Variants in MDFIC2 observed in about 807,000 individuals in gnomAD.
MDFIC2 encodes MyoD family inhibitor domain containing 2, also known as myoD family inhibitor domain-containing protein 2.
chr3:70,235,027 G>GC (rs2106747751), intron 2 of MDFIC2, among the ~76,000 whole-genome samples: 1 of 152,236 alleles, frequency 6.6e-6, no homozygotes, highest in South Asian at 2.1e-4. Flanking sequence ...GAGAACCTCT[G>GC]CCCCAAAGAG....
intron 2 of MDFIC2, among the ~76,000 whole-genome samples, chr3:70,237,299 G>A (rs998598488): frequency 3.3e-5 from 5 of 152,254 alleles, no homozygotes; most frequent in South Asian, 4.1e-4. Context: ...CCACAATATA[G>A]ACAGACCTCT....
intron 2 of MDFIC2, among the ~76,000 whole-genome samples, chr3:70,296,402 C>G (rs111704100): frequency 1.3e-5 from 2 of 152,082 alleles, no homozygotes; most frequent in Admixed American, 1.3e-4. Context: ...AGAAAATGGA[C>G]CTAATTTTAG....
At chr3:70,216,259 T>A (rs1239723978) in intron 2 of MDFIC2, among the ~76,000 whole-genome samples, 1 of 150,284 alleles carries the variant, frequency 6.7e-6, no homozygotes, top group Non-Finnish European at 1.5e-5. Context: ...CATAATTAGA[T>A]TAATAACAAA....
At chr3:70,264,768 T>C (rs971886324) in intron 2 of MDFIC2, among the ~76,000 whole-genome samples, 1 of 152,188 alleles carries the variant, frequency 6.6e-6, no homozygotes, top group African/African-American at 2.4e-5. Context: ...ATGAATCTCA[T>C]GATAGGGAAA....
intron 2 of MDFIC2, among the ~76,000 whole-genome samples, chr3:70,300,894 A>G (rs1702342056): frequency 6.6e-6 from 1 of 151,980 alleles, no homozygotes; most frequent in East Asian, 1.9e-4. Flanking sequence ...TATGTCTCCA[A>G]GTTATGTTGC....
At chr3:70,248,616 G>A (rs1575606230) in intron 2 of MDFIC2, among the ~76,000 whole-genome samples, 1 of 152,082 alleles carries the variant, frequency 6.6e-6, no homozygotes, top group African/African-American at 2.4e-5. Flanking sequence ...TGGATTAGAA[G>A]AGCAATATTT....
chr3:70,251,066 C>A (rs556765054), intron 2 of MDFIC2, among the ~76,000 whole-genome samples: 1 of 152,300 alleles, frequency 6.6e-6, no homozygotes, highest in East Asian at 1.9e-4. Flanking sequence ...ACGGTTGAAT[C>A]GTATTCATTA....
intron 2 of MDFIC2, among the ~76,000 whole-genome samples, chr3:70,254,233 G>T (rs555692547): frequency 1.8e-3 from 273 of 152,124 alleles, no homozygotes; most frequent in South Asian, 3.9e-3. Flanking sequence ...GTCTGCATTT[G>T]AATTCTGTTA....
chr3:70,310,479 C>T (rs1272654462), intron 2 of MDFIC2, among the ~76,000 whole-genome samples: 2 of 152,048 alleles, frequency 1.3e-5, no homozygotes, highest in Non-Finnish European at 2.9e-5. Flanking sequence ...GATTATCCTG[C>T]CTCAGCCTCC....
chr3:70,302,212 G>A (rs1702355862), intron 2 of MDFIC2, among the ~76,000 whole-genome samples: 1 of 152,122 alleles, frequency 6.6e-6, no homozygotes, highest in African/African-American at 2.4e-5. Flanking sequence ...ATTTATGCCT[G>A]TAGAGTGATG....
At chr3:70,286,966 A>G (rs1254104929) in intron 2 of MDFIC2, among the ~76,000 whole-genome samples, 5 of 150,932 alleles carry the variant, frequency 3.3e-5, no homozygotes, top group East Asian at 1.9e-4. Context: ...GGCTGAGACA[A>G]TGGCGTTTTC....
At chr3:70,305,655 A>G (rs546273708) in intron 2 of MDFIC2, among the ~76,000 whole-genome samples, 2 of 152,330 alleles carry the variant, frequency 1.3e-5, no homozygotes, top group South Asian at 4.1e-4. Context: ...ATGGTTGCTG[A>G]GTTGAACAAA....
Position 70,266,599 on chromosome 3 carries a change from T to A in MDFIC2, c.88+45287A>T, listed in dbSNP as rs1037552032. The stretch of plus-strand genomic sequence containing the variant: ...ACCACCACACAAGGGTGAATTTTTT[T>A]ATTTTTAATTTTTTTATTTTTATTT... On this transcript the variant is annotated intron_variant, in intron 2 of 3. Transcript: ENST00000567252. Among the ~76,000 whole-genome samples the A allele has an allele frequency of 5.3e-5, 8 of 151,936 alleles. No individual in the cohort carries two copies. In the East Asian group the frequency reaches 1.4e-3, roughly 26 times the overall value.
Position 70,196,805 on chromosome 3 carries a change from G to A in MDFIC2, c.*121C>T, listed in dbSNP as rs1576151146. 5.0e-6 allele frequency: 2 copies of A among 396,868 alleles called. No homozygotes were observed. Among genetic ancestry groups the A allele is most frequent in the Admixed American group, 4.4e-5 (1 of 22,682 alleles). 24.6% of individuals were successfully genotyped at this position (396,868 alleles called of 1,614,324 possible). The stretch of plus-strand genomic sequence containing the variant: ...TCCTAGACAGGTGCAGAATAAAATG[G>A]CCTATAGCATCCAAGAAATGTGTAC... On this transcript the variant is annotated 3_prime_UTR_variant, in exon 4 of 4. Transcript: ENST00000567252.
chr3:70,241,089 A>G (rs1701663840), intron 2 of MDFIC2, among the ~76,000 whole-genome samples: 2 of 152,088 alleles, frequency 1.3e-5, no homozygotes, highest in African/African-American at 4.8e-5. Context: ...GGTGACACTG[A>G]CTTCTGTGAC....
At chr3:70,296,234 A>G (rs1702288016) in intron 2 of MDFIC2, among the ~76,000 whole-genome samples, 1 of 152,250 alleles carries the variant, frequency 6.6e-6, no homozygotes, top group South Asian at 2.1e-4. Context: ...GCCCCCAAAT[A>G]AGTTGTAGTT....
rs973386624 is a variant in MDFIC2, at chr3:70,197,019, A to G, written c.477T>C (p.Asn159=). 7 of 398,558 alleles carry G rather than the reference A, an allele frequency of 1.8e-5. No individual in the cohort carries two copies. Among genetic ancestry groups the G allele is most frequent in the South Asian group, 1.3e-4 (1 of 7,856 alleles). 24.7% of individuals were successfully genotyped at this position (398,558 alleles called of 1,614,324 possible). A position where few individuals can be genotyped will look rare whatever the true frequency, so the allele number is the denominator to read the frequency against. The change falls in exon 4 of 4, where the codon AAT becomes AAC. Residue 159 remains asparagine (N), a synonymous_variant. Coordinates refer to ENST00000567252, the MANE Select transcript of MDFIC2 (RefSeq NM_001364677.1). The part of the protein sequence containing the change: ...ENHSRNDCSC[N]CDMDCSLFES... ...CAAAAAGGCTGCAGTCCATGTCACA[A>G]TTGCAGCTGCAATCATTCCGAGAGT...
chr3:70,288,044 G>A (rs1051168639), intron 2 of MDFIC2, among the ~76,000 whole-genome samples: 8 of 150,614 alleles, frequency 5.3e-5, no homozygotes, highest in Non-Finnish European at 1.2e-4. Context: ...AGGGTTTTTT[G>A]TGTCTCTATT....
chr3:70,302,475 C>G (rs1702359300), intron 2 of MDFIC2: 1 of 152,124 alleles, frequency 6.6e-6, no homozygotes, highest in Admixed American at 6.5e-5. Context: ...TAAGACTGCT[C>G]TTTATACTAA....
Sources: allele counts gnomAD v4.1 joint callset (sites outside exome capture counted in the v4.1 genomes callset), GRCh38; gene constraint gnomAD v4.1.1; transcripts MANE v1.5; gene names NCBI Gene and HGNC (gene_info 2026-07-23, HGNC 2026-07-21).